Variants in NUTF2 observed in about 807,000 individuals in gnomAD.
NUTF2 encodes the protein nuclear transport factor 2.
A neutral mutation model predicts 18.5 loss-of-function variants in NUTF2; 3 were observed. That is an observed-to-expected ratio of 0.16 (90% CI 0.07 to 0.42). The LOEUF is 0.42. NUTF2 is among the 10% of genes least tolerant of loss of function. NUTF2 has a pLI of 0.99. For missense variants in NUTF2, 44 were observed against 160.7 expected (o/e 0.27, Z 3.93); for synonymous variants, 51 against 57.9 (o/e 0.88, Z 0.54).
chr16:67,863,275 A>G (rs1047654852), intron 1 of NUTF2, among the ~76,000 whole-genome samples: 1 of 152,190 alleles, frequency 6.6e-6, no homozygotes, highest in African/African-American at 2.4e-5. Flanking sequence ...ACTGGATCCA[A>G]GCTTTCTCCC....
rs375784640 is a variant in NUTF2 at position 67,855,154 on chromosome 16, T to C, written c.-30+8169T>C. 5.1e-4 allele frequency among the ~76,000 whole-genome samples: 77 copies of C among 152,358 alleles called. 1 individual carries two copies. In the East Asian group the frequency reaches 9.8e-3, roughly 19 times the overall value. ...CTTTGATCATATATGGCAGGAATTC[T>C]TGAGTCCCTCCCTCGGGGAGCCAGC... On this transcript the variant is annotated intron_variant, in intron 1 of 4. Coordinates refer to ENST00000219169, the MANE Select transcript of NUTF2 (RefSeq NM_005796.3).
intron 2 of NUTF2, among the ~76,000 whole-genome samples, chr16:67,866,757 G>A (rs778977895): frequency 4.0e-5 from 6 of 151,044 alleles, no homozygotes; most frequent in Admixed American, 6.6e-5. Context: ...ATAAGCCACC[G>A]CGCCCGGCTA....
rs35560481 is a variant in NUTF2, at chr16:67,859,349, AT to A, written c.-29-5736del. On this transcript the variant is annotated intron_variant, in intron 1 of 4. Coordinates refer to ENST00000219169, the MANE Select transcript of NUTF2 (RefSeq NM_005796.3). The stretch of plus-strand genomic sequence containing the variant: ...TGCATGCCACCACACCCAGCTGATG[AT>A]TTTTTTTTTTTTTTTTGAGGTGGAA... 2.5e-3 allele frequency among the ~76,000 whole-genome samples: 327 copies of A among 131,866 alleles called. 1 individual carries two copies. Among genetic ancestry groups the A allele is most frequent in the African/African-American group, 8.3e-3 (288 of 34,702 alleles). The allele number at this position is 131,866 out of a possible 152,430, so 86.5% of individuals were successfully genotyped here. A position where few individuals can be genotyped will look rare whatever the true frequency, so the allele number is the denominator to read the frequency against.
intron 4 of NUTF2, among the ~76,000 whole-genome samples, chr16:67,869,084 C>CTT (rs71721636): frequency 2.9e-5 from 4 of 135,848 alleles, no homozygotes; most frequent in African/African-American, 2.7e-5. Context: ...ACTCCTATTT[C>CTT]TTTTTTTTTT....
intron 1 of NUTF2, among the ~76,000 whole-genome samples, chr16:67,862,283 A>G (rs1188128288): frequency 6.6e-6 from 1 of 152,116 alleles, no homozygotes; most frequent in Admixed American, 6.5e-5. Flanking sequence ...ACATCACTGG[A>G]TGACAGTGGA....
At chr16:67,864,531 A>AAAG in intron 1 of NUTF2, among the ~76,000 whole-genome samples, 3 of 150,784 alleles carry the variant, frequency 2.0e-5, no homozygotes, top group Admixed American at 6.6e-5. Flanking sequence ...AAAAAAAAAA[A>AAAG]AAGAAGAGGG....
chr16:67,858,233 T>G (rs1285011517), intron 1 of NUTF2, among the ~76,000 whole-genome samples: 1 of 152,230 alleles, frequency 6.6e-6, no homozygotes, highest in Non-Finnish European at 1.5e-5. Context: ...AATGGCATGA[T>G]CTCGGCTCAC....
At chr16:67,861,694 A>G (rs2057936387) in intron 1 of NUTF2, among the ~76,000 whole-genome samples, 1 of 152,212 alleles carries the variant, frequency 6.6e-6, no homozygotes, top group Admixed American at 6.5e-5. Context: ...CCCTCTCACA[A>G]GAGCTGTAGG....
intron 1 of NUTF2, among the ~76,000 whole-genome samples, chr16:67,859,793 G>T: frequency 7.5e-6 from 1 of 134,004 alleles, no homozygotes; most frequent in Admixed American, 8.3e-5. Context: ...ACTGCGCCAG[G>T]CCTTTTTTTT....
At chr16:67,852,396 G>C (rs2057866557) in intron 1 of NUTF2, among the ~76,000 whole-genome samples, 1 of 136,842 alleles carries the variant, frequency 7.3e-6, no homozygotes, top group Non-Finnish European at 1.6e-5. Context: ...TGTCACTCTT[G>C]CCCAGGCTCA....
chr16:67,857,385 C>T (rs1205264979), intron 1 of NUTF2, among the ~76,000 whole-genome samples: 12 of 152,150 alleles, frequency 7.9e-5, no homozygotes, highest in Non-Finnish European at 1.6e-4. Context: ...GTGCTGTGGG[C>T]ACCTAGACCT....
intron 2 of NUTF2, among the ~76,000 whole-genome samples, chr16:67,866,307 T>G (rs1053114019): frequency 1.9e-4 from 24 of 129,618 alleles, no homozygotes; most frequent in Non-Finnish European, 3.4e-4. Context: ...CATAGTAGAG[T>G]TTTTTTTTTT....
At chr16:67,851,622 A>G (rs2057858366) in intron 1 of NUTF2, among the ~76,000 whole-genome samples, 2 of 152,052 alleles carry the variant, frequency 1.3e-5, no homozygotes. Flanking sequence ...CTCGTCATTT[A>G]CATTAGGTGT....
In NUTF2 at chr16:67,871,161, C is replaced by A; in HGVS notation, c.*248C>A. On this transcript the variant is annotated 3_prime_UTR_variant, in exon 5 of 5. Coordinates refer to ENST00000219169, the MANE Select transcript of NUTF2 (RefSeq NM_005796.3). ...AGACTTAAGTAATGCAAAAGGTTGTCCTTTTTTTTTTTTTTTTTTTTTTAA... is the reference window on the plus strand; with the variant it reads ...AGACTTAAGTAATGCAAAAGGTTGTACTTTTTTTTTTTTTTTTTTTTTTAA... 3 of 254,324 alleles carry A rather than the reference C, an allele frequency of 1.2e-5. No individual in the cohort carries two copies. The highest frequency in any genetic ancestry group is 2.1e-5 in the Non-Finnish European group (3 of 141,868). The allele number at this position is 254,324 out of a possible 1,614,324, so 15.8% of individuals were successfully genotyped here. A position where few individuals can be genotyped will look rare whatever the true frequency, so the allele number is the denominator to read the frequency against.
At chr16:67,862,442 C>T (rs936569936) in intron 1 of NUTF2, among the ~76,000 whole-genome samples, 4 of 152,226 alleles carry the variant, frequency 2.6e-5, no homozygotes, top group Non-Finnish European at 2.9e-5. Flanking sequence ...CTCTTCCCCA[C>T]TCTTCTCTGC....
chr16:67,860,283 T>G (rs1445818168), intron 1 of NUTF2, among the ~76,000 whole-genome samples: 1 of 151,220 alleles, frequency 6.6e-6, no homozygotes, highest in Non-Finnish European at 1.5e-5. Context: ...CCAGCCTTTT[T>G]GTTTGTTCTG....
intron 2 of NUTF2, among the ~76,000 whole-genome samples, chr16:67,867,727 C>T (rs1231875365): frequency 1.3e-5 from 2 of 152,114 alleles, no homozygotes; most frequent in African/African-American, 4.8e-5. Context: ...TGCTCTGTCA[C>T]CCAGGCTGGA....
intron 1 of NUTF2, among the ~76,000 whole-genome samples, chr16:67,864,502 T>C (rs2057956202): frequency 8.1e-6 from 1 of 124,220 alleles, no homozygotes; most frequent in South Asian, 2.6e-4. Context: ...AGAGTGAAAC[T>C]CTGTCTCAAA....
At chr16:67,865,008 G>A in intron 1 of NUTF2, 94 bp from the exon 2 acceptor site, 3 of 644,258 alleles carry the variant, frequency 4.7e-6, no homozygotes, top group Non-Finnish European at 8.4e-6. Context: ...CTCAGCAAAG[G>A]ACTCCAGGAA....
Sources: allele counts gnomAD v4.1 joint callset (sites outside exome capture counted in the v4.1 genomes callset), GRCh38; gene constraint gnomAD v4.1.1; transcripts MANE v1.5; gene names NCBI Gene and HGNC (gene_info 2026-07-23, HGNC 2026-07-21).